The following BAZ2B variants were observed in gnomAD, a reference collection of about 807,000 sequenced individuals.
The protein encoded by BAZ2B is bromodomain adjacent to zinc finger domain 2B.
In BAZ2B, 91 loss-of-function variants were observed where a neutral mutation model predicts 246.0. That is an observed-to-expected ratio of 0.37 (90% CI 0.31 to 0.44). BAZ2B has a LOEUF of 0.44. Ranked by LOEUF, BAZ2B falls within the 20% of genes least tolerant of loss-of-function variation. The probability of loss-of-function intolerance (pLI) is 1.00; values close to 1 mark genes in which losing one functional copy is unlikely to be tolerated. For missense variants in BAZ2B, 2,332 were observed against 2,533.7 expected (o/e 0.92, Z 1.71); for synonymous variants, 855 against 860.0 (o/e 0.99, Z 0.10).
chr2:159,424,373 T>C lies in BAZ2B; in HGVS notation c.2466+3568A>G, dbSNP rs138875648. Among the ~76,000 whole-genome samples the C allele has an allele frequency of 7.8e-3, 1,192 of 152,226 alleles. 44 individuals carry two copies. The East Asian group carries it at 0.091, about 12-fold the overall frequency. ...TAATGTTGAGCTGAATGGCCTTTTA[T>C]GTAAATTATACTACTGGAAGGAATA... On this transcript the variant is annotated intron_variant, in intron 13 of 36. Coordinates refer to ENST00000392783, the MANE Select transcript of BAZ2B (RefSeq NM_013450.4).
At chr2:159,398,741 AAAGC>A in intron 18 of BAZ2B, 84 bp downstream of exon 18, 1 of 1,210,922 alleles carries the variant, frequency 8.3e-7, no homozygotes, top group Non-Finnish European at 1.2e-6. Flanking sequence ...CATTTTGAAG[AAAGC>A]TATTTTTTCA....
At chr2:159,334,809 T>C (rs999153160) in intron 33 of BAZ2B, among the ~76,000 whole-genome samples, 4 of 152,218 alleles carry the variant, frequency 2.6e-5, no homozygotes, top group South Asian at 2.1e-4. Flanking sequence ...TGTGTGTAAG[T>C]TTATAATAAA....
At chr2:159,362,412 A>T (rs1211558233) in intron 27 of BAZ2B, among the ~76,000 whole-genome samples, 1 of 152,230 alleles carries the variant, frequency 6.6e-6, no homozygotes, top group African/African-American at 2.4e-5. Context: ...ACACTAATGC[A>T]TACAGGGCAA....
the BAZ2B span, among the ~76,000 whole-genome samples, chr2:159,698,885 G>A: frequency 6.6e-6 from 1 of 152,124 alleles, no homozygotes; most frequent in African/African-American, 2.4e-5. Flanking sequence ...TCTTTAGCAA[G>A]AAGACAATAT....
chr2:159,536,086 A>G (rs1432497311), intron 2 of BAZ2B, among the ~76,000 whole-genome samples: 2 of 152,240 alleles, frequency 1.3e-5, no homozygotes, highest in Admixed American at 1.3e-4. Flanking sequence ...ACAAATATAC[A>G]TTAAAAACCT....
chr2:159,388,204 T>C (rs1219328126), intron 21 of BAZ2B, among the ~76,000 whole-genome samples: 1 of 152,060 alleles, frequency 6.6e-6, no homozygotes, highest in Non-Finnish European at 1.5e-5. Flanking sequence ...GAATATTGCA[T>C]ATAAGTAAAT....
chr2:159,449,974 C>G (rs938424353), intron 4 of BAZ2B, among the ~76,000 whole-genome samples: 2 of 151,992 alleles, frequency 1.3e-5, no homozygotes, highest in African/African-American at 4.8e-5. Flanking sequence ...AATTTGAGAT[C>G]AGCCTTGGGC....
chr2:159,581,118 G>C (rs1355392063), intron 1 of BAZ2B, among the ~76,000 whole-genome samples: 1 of 152,102 alleles, frequency 6.6e-6, no homozygotes, highest in Non-Finnish European at 1.5e-5. Flanking sequence ...ACTACCATCA[G>C]AGTGAACAGG....
intron 13 of BAZ2B, among the ~76,000 whole-genome samples, chr2:159,412,801 G>C (rs530783967): frequency 2.0e-5 from 3 of 152,016 alleles, no homozygotes; most frequent in Admixed American, 1.3e-4. Flanking sequence ...TATAAATGTA[G>C]AGATATAAAT....
At chr2:159,559,628 T>C (rs923369503) in intron 1 of BAZ2B, among the ~76,000 whole-genome samples, 1 of 152,180 alleles carries the variant, frequency 6.6e-6, no homozygotes, top group African/African-American at 2.4e-5. Context: ...CATTCCTTCC[T>C]CATGGTAGCA....
At chr2:159,595,365 G>C (rs191208838) in intron 1 of BAZ2B, among the ~76,000 whole-genome samples, 2 of 152,134 alleles carry the variant, frequency 1.3e-5, no homozygotes, top group Non-Finnish European at 1.5e-5. Context: ...GCCTCCCAAA[G>C]TGCTGGGATT....
chr2:159,663,603 T>G, the BAZ2B span, among the ~76,000 whole-genome samples: 11 of 151,594 alleles, frequency 7.3e-5, no homozygotes, highest in South Asian at 2.1e-4. Context: ...CACTGCAACC[T>G]CTGCCTCCTG....
intron 31 of BAZ2B, 152 bp downstream of exon 31, chr2:159,347,334 C>G: frequency 1.1e-6 from 1 of 930,062 alleles, no homozygotes; most frequent in Non-Finnish European, 1.6e-6. Flanking sequence ...GGTTCCTTAA[C>G]AGATGGGGCA....
At chr2:159,569,897 T>A (rs190911081) in intron 1 of BAZ2B, among the ~76,000 whole-genome samples, 2 of 152,242 alleles carry the variant, frequency 1.3e-5, no homozygotes, top group Non-Finnish European at 2.9e-5. Flanking sequence ...TCATTTTTAT[T>A]GTTGTCTACC....
chr2:159,358,015 C>T (rs1045206147), intron 27 of BAZ2B, among the ~76,000 whole-genome samples: 4 of 152,076 alleles, frequency 2.6e-5, no homozygotes, highest in African/African-American at 9.7e-5. Flanking sequence ...AAAAACATGC[C>T]AAATTGTAGA....
intron 26 of BAZ2B, among the ~76,000 whole-genome samples, chr2:159,373,439 T>C (rs927654420): frequency 3.3e-5 from 5 of 152,212 alleles, no homozygotes; most frequent in Non-Finnish European, 7.3e-5. Context: ...ATAAAACTTA[T>C]CCTTTTACTT....
At chr2:159,583,126 T>G (rs74675113) in intron 1 of BAZ2B, among the ~76,000 whole-genome samples, 1 of 151,300 alleles carries the variant, frequency 6.6e-6, no homozygotes, top group East Asian at 1.9e-4. Flanking sequence ...TTTTTTTTTT[T>G]TTGTTGAGAC....
At chr2:159,322,733 G>A (rs940379757) in intron 36 of BAZ2B, among the ~76,000 whole-genome samples, 1 of 152,004 alleles carries the variant, frequency 6.6e-6, no homozygotes, top group Non-Finnish European at 1.5e-5. Flanking sequence ...ATGTAAGTAG[G>A]CCCCTCCCTC....
At position 159,423,177 on chromosome 2, in the gene BAZ2B, G is replaced by A. The variant is rs370439462; in HGVS notation, c.2466+4764C>T. Among the ~76,000 whole-genome samples, 5 of 152,152 alleles carry A rather than the reference G, an allele frequency of 3.3e-5. No individual in the cohort carries two copies. In the East Asian group the frequency reaches 5.8e-4, roughly 18 times the overall value. ...GAAAACACAAAAAAATTAGCTGGGC[G>A]CGGTGGCAGGCGTCTGTAGTCCCAG... On this transcript the variant is annotated intron_variant, in intron 13 of 36. Coordinates refer to ENST00000392783, the MANE Select transcript of BAZ2B (RefSeq NM_013450.4).
Sources: gnomAD v4.1 joint callset for allele counts (sites outside exome capture counted in the v4.1 genomes callset) on GRCh38, gnomAD v4.1.1 for gene constraint, MANE v1.5 for transcripts, NCBI Gene and HGNC (gene_info 2026-07-23, HGNC 2026-07-21) for gene names.